CHMP7: variants seen among roughly 807,000 people sequenced by gnomAD.
The protein encoded by CHMP7 is charged multivesicular body protein 7.
In CHMP7, 15 loss-of-function variants were observed where a neutral mutation model predicts 53.7. The ratio of observed to expected loss-of-function variants is 0.28; its 90% CI spans 0.19 to 0.43. The LOEUF (loss-of-function observed/expected upper bound fraction) is 0.43. Ranked by LOEUF, CHMP7 falls within the 20% of genes least tolerant of loss-of-function variation. CHMP7 has a pLI of 1.00. For synonymous variants in CHMP7, 261 were observed against 228.0 expected (o/e 1.14, Z -1.30); for missense variants, 527 against 569.4 (o/e 0.93, Z 0.76).
intron 8 of CHMP7, 51 bp downstream of exon 8, chr8:23,258,881 C>A (rs2128860389): frequency 1.5e-6 from 2 of 1,303,228 alleles, no homozygotes; most frequent in South Asian, 1.2e-5. Flanking sequence ...TGACAGAGGA[C>A]AGATTTGACT....
Position 23,258,787 on chromosome 8 carries a change from T to A in CHMP7, c.1016T>A (p.Val339Asp). 6.2e-7 allele frequency: 1 copy of A among 1,613,736 alleles called. No individual in the cohort carries two copies. The highest frequency in any genetic ancestry group is 1.3e-5 in the African/African-American group (1 of 74,982). Residue 339 changes from valine (V) to aspartate (D), a missense_variant, in exon 8 of 11, where the codon GTC becomes GAC. By Grantham distance (152) the Val-to-Asp change is radical (BLOSUM62 -3). Coordinates refer to ENST00000397677, the MANE Select transcript of CHMP7 (RefSeq NM_152272.5). ...VGALKLSMKD[V>D]TVEKAESLVD... is the part of the protein sequence containing the mutation. The stretch of plus-strand genomic sequence containing the variant: ...GCACTCAAACTCTCCATGAAGGATG[T>A]CACAGTGGAGAAGGCAGAGAGCCTC...
chr8:23,248,334 G>A (rs1239594902), intron 2 of CHMP7: 1 of 374,382 alleles, frequency 2.7e-6, no homozygotes, highest in Non-Finnish European at 5.4e-6. Flanking sequence ...CTCCACTGAA[G>A]CTTCCTGGTG....
In CHMP7 at chr8:23,260,816, C is replaced by T. The variant is rs1802356089; in HGVS notation, c.*217C>T. ...CAGCTGTATCATGGACCTGCCTTCT[C>T]ATCTTTATAGTGCCACGATTTATAC... On this transcript the variant is annotated 3_prime_UTR_variant, in exon 11 of 11. Coordinates refer to ENST00000397677, the MANE Select transcript of CHMP7 (RefSeq NM_152272.5). The T allele has an allele frequency of 3.3e-6, 2 of 599,872 alleles. No individual in the cohort carries two copies. The highest frequency in any genetic ancestry group is 3.0e-5 in the Admixed American group (1 of 33,794). The allele number at this position is 599,872 out of a possible 1,614,324, so 37.2% of individuals were successfully genotyped here.
At chr8:23,256,202 G>C (rs1375215470) in intron 4 of CHMP7, among the ~76,000 whole-genome samples, 1 of 152,216 alleles carries the variant, frequency 6.6e-6, no homozygotes, top group Non-Finnish European at 1.5e-5. Flanking sequence ...ATCATTTGCT[G>C]AGTTTGCTAG....
At chr8:23,258,871 TGACAGAG>T (rs1444145200) in intron 8 of CHMP7, 41 bp downstream of exon 8, 10 of 1,393,116 alleles carry the variant, frequency 7.2e-6, no homozygotes, top group Non-Finnish European at 1.0e-5. Context: ...GAGAAGGAGG[TGACAGAG>T]GACAGATTTG....
Position 23,261,413 on chromosome 8 carries a change from A to G in CHMP7, c.*814A>G, listed in dbSNP as rs1585320820. 6.5e-6 allele frequency: 1 copy of G among 152,704 alleles called. No homozygotes were observed. The highest frequency in any genetic ancestry group is 2.4e-5 in the African/African-American group (1 of 41,456). 9.5% of individuals were successfully genotyped at this position (152,704 alleles called of 1,614,324 possible). A position where few individuals can be genotyped will look rare whatever the true frequency, so the allele number is the denominator to read the frequency against. ...GCAAAATTGTTGCCTTGGCCCCATC[A>G]TGGAGTAACTTAAAAATACATATCT... On this transcript the variant is annotated 3_prime_UTR_variant, in exon 11 of 11. Transcript: ENST00000397677.
rs1489744047 is a variant in CHMP7, at chr8:23,258,836, G to GA, written c.1059+9dup. On this transcript the variant is annotated splice_region_variant and intron_variant, in intron 8 of 10. Transcript: ENST00000397677. Reference sequence around the variant, plus strand: ...TCGTGGATCAGATCCAAGAGGTACAGAAAGGGGCCAGGGAGGGACACACAG... The same window carrying GA: ...TCGTGGATCAGATCCAAGAGGTACAGAAAAGGGGCCAGGGAGGGACACACAG... 1 of 1,583,784 alleles carries GA rather than the reference G, an allele frequency of 6.3e-7. No homozygotes were observed. The highest frequency in any genetic ancestry group is 8.7e-7 in the Non-Finnish European group (1 of 1,153,028).
At chr8:23,255,223 C>T (rs1454803981) in intron 3 of CHMP7, 24 bp from the exon 4 acceptor site, 3 of 1,613,136 alleles carry the variant, frequency 1.9e-6, no homozygotes, top group Non-Finnish European at 2.5e-6. Context: ...CAGGGCCTGT[C>T]AGCCAATGTT....
At chr8:23,254,110 G>A (rs994468362) in intron 3 of CHMP7, among the ~76,000 whole-genome samples, 12 of 151,080 alleles carry the variant, frequency 7.9e-5, no homozygotes, top group Admixed American at 5.3e-4. Context: ...CTATGCTCAT[G>A]TTCCTCTCTC....
In CHMP7 at chr8:23,260,619, C is replaced by T. The variant is rs1004952527; in HGVS notation, c.*20C>T. 3.7e-6 allele frequency: 6 copies of T among 1,600,440 alleles called. No homozygotes were observed. Among genetic ancestry groups the T allele is most frequent in the South Asian group, 1.1e-5 (1 of 90,830 alleles). ...TTGTAGGACCCTCAAGTGAAGGACC[C>T]TCATGTAAAAGAGAGACCAGGCTTG... On this transcript the variant is annotated 3_prime_UTR_variant, in exon 11 of 11. Transcript: ENST00000397677.
rs369859458 is a variant in CHMP7 at position 23,246,673 on chromosome 8, G to T, written c.-23G>T. ...GACCAGGGCCAGGCTTGTGTTCGCA[G>T]CCTTGCCGGGGCTGGGGTTCCGATG... is the stretch of plus-strand genomic sequence containing the variant. On this transcript the variant is annotated 5_prime_UTR_variant, in exon 2 of 11. Transcript: ENST00000397677. 1.6e-5 allele frequency: 25 copies of T among 1,543,078 alleles called. No homozygotes were observed. Among genetic ancestry groups the T allele is most frequent in the Non-Finnish European group, 2.0e-5 (23 of 1,143,566 alleles).
intron 3 of CHMP7, among the ~76,000 whole-genome samples, chr8:23,252,736 T>C (rs988292971): frequency 3.3e-5 from 5 of 152,236 alleles, no homozygotes; most frequent in African/African-American, 1.2e-4. Context: ...CTTATTACTT[T>C]GTACTTTAAT....
At chr8:23,245,729 T>TTATCAAA (rs1269119584) in intron 1 of CHMP7, among the ~76,000 whole-genome samples, 10 of 152,214 alleles carry the variant, frequency 6.6e-5, no homozygotes, top group African/African-American at 2.4e-4. Flanking sequence ...TTGGTAGAAC[T>TTATCAAA]TATCAAATGA....
chr8:23,260,619 CT>C lies in CHMP7; in HGVS notation c.*21del. On this transcript the variant is annotated 3_prime_UTR_variant, in exon 11 of 11. Coordinates refer to ENST00000397677, the MANE Select transcript of CHMP7 (RefSeq NM_152272.5). Reference sequence around the variant, plus strand: ...TTGTAGGACCCTCAAGTGAAGGACCCTCATGTAAAAGAGAGACCAGGCTTGC... The same window carrying C: ...TTGTAGGACCCTCAAGTGAAGGACCCCATGTAAAAGAGAGACCAGGCTTGC... The C allele has an allele frequency of 1.2e-6, 2 of 1,600,558 alleles. No homozygotes were observed. Among genetic ancestry groups the C allele is most frequent in the Non-Finnish European group, 1.7e-6 (2 of 1,167,612 alleles).
intron 4 of CHMP7, 68 bp from the exon 5 acceptor site, chr8:23,256,392 A>G: frequency 9.4e-7 from 1 of 1,069,048 alleles, no homozygotes; most frequent in Admixed American, 1.7e-5. Context: ...GCCCACCACC[A>G]GCGCTCCTGG....
chr8:23,248,042 A>ACTCAAGCG lies in CHMP7; in HGVS notation c.299+1049_299+1056dup. 6.6e-6 allele frequency: 3 copies of ACTCAAGCG among 455,476 alleles called. No individual in the cohort carries two copies. In the Middle Eastern group the frequency reaches 9.8e-4, roughly 148 times the overall value. 28.2% of individuals were successfully genotyped at this position (455,476 alleles called of 1,614,324 possible). A position where few individuals can be genotyped will look rare whatever the true frequency, so the allele number is the denominator to read the frequency against. ...GCCCAGGATGGTCTCGAACTCCTGC[A>ACTCAAGCG]CTCAAGCGATCCTCCCACCTCAGCC... On this transcript the variant is annotated intron_variant, in intron 2 of 10. Coordinates refer to ENST00000397677, the MANE Select transcript of CHMP7 (RefSeq NM_152272.5).
chr8:23,246,096 T>C (rs912077357), intron 1 of CHMP7, 160 bp from the exon 2 acceptor site: 1 of 152,280 alleles, frequency 6.6e-6, no homozygotes, highest in Non-Finnish European at 1.5e-5. Flanking sequence ...TGTTTTCAAT[T>C]TCATTGATTT....
Position 23,246,621 on chromosome 8 carries a change from A to G in CHMP7, c.-75A>G, listed in dbSNP as rs368371553. On this transcript the variant is annotated 5_prime_UTR_variant, in exon 2 of 11. Coordinates refer to ENST00000397677, the MANE Select transcript of CHMP7 (RefSeq NM_152272.5). Reference sequence around the variant, plus strand: ...GAGAAGGAGGTGGTCAAGGAACGGAAGCCGGGAGGGAACGAGGGCGGAAGC... The same window carrying G: ...GAGAAGGAGGTGGTCAAGGAACGGAGGCCGGGAGGGAACGAGGGCGGAAGC... 1.0e-4 allele frequency: 130 copies of G among 1,303,178 alleles called. 1 individual carries two copies. In the African/African-American group the frequency reaches 1.6e-3, roughly 16 times the overall value. The allele number at this position is 1,303,178 out of a possible 1,614,324, so 80.7% of individuals were successfully genotyped here.
Position 23,256,452 on chromosome 8 carries a change from T to TC in CHMP7, c.658-5dup. 6.3e-7 allele frequency: 1 copy of TC among 1,594,536 alleles called. No individual in the cohort carries two copies. Among genetic ancestry groups the TC allele is most frequent in the Non-Finnish European group, 8.6e-7 (1 of 1,162,268 alleles). On this transcript the variant is annotated splice_polypyrimidine_tract_variant and splice_region_variant and intron_variant, in intron 4 of 10. Coordinates refer to ENST00000397677, the MANE Select transcript of CHMP7 (RefSeq NM_152272.5). ...TAGCAGCAGTAGTAATTTCTCCCTG[T>TC]CCCTCAGATTGTGAAGTTTGCCCGA... is the stretch of plus-strand genomic sequence containing the variant.
Sources: gnomAD v4.1 joint callset for allele counts (sites outside exome capture counted in the v4.1 genomes callset) on GRCh38, gnomAD v4.1.1 for gene constraint, MANE v1.5 for transcripts, NCBI Gene and HGNC (gene_info 2026-07-23, HGNC 2026-07-21) for gene names.